Variants in SLITRK6 observed in about 807,000 individuals in gnomAD.
The protein encoded by SLITRK6 is SLIT and NTRK-like protein 6.
In SLITRK6, 35 loss-of-function variants were observed where a neutral mutation model predicts 55.6. The observed-to-expected ratio is 0.63, with a 90% CI of 0.48 to 0.83. The LOEUF (loss-of-function observed/expected upper bound fraction) is 0.83. SLITRK6 is among the 40% of genes least tolerant of loss of function. The pLI is 0.00. For synonymous variants in SLITRK6, 392 were observed against 359.6 expected (o/e 1.09, Z -1.02); for missense variants, 977 against 986.4 (o/e 0.99, Z 0.13).
In SLITRK6 at chr13:85,794,262, G is replaced by A; in HGVS notation, c.2247C>T (p.Phe749=). The change falls in exon 2 of 2, where the codon TTC becomes TTT. Residue 749 remains phenylalanine, a synonymous_variant. Coordinates refer to ENST00000647374, the MANE Select transcript of SLITRK6 (RefSeq NM_032229.3). ...TTCTGTACAATGAGCTGGCATCTTG[G>A]AAGGATAAAAATTCTGTTGATTGGT... ...TTNQSTEFLS[F]QDASSLYRNI... is the part of the protein sequence containing the mutation. 2.5e-6 allele frequency: 4 copies of A among 1,613,332 alleles called. No homozygotes were observed. The highest frequency in any genetic ancestry group is 1.1e-5 in the South Asian group (1 of 91,062).
At position 85,795,490 on chromosome 13, in the gene SLITRK6, G is replaced by GGGGATA; in HGVS notation, c.1013_1018dup (p.Leu338_Ser339dup). On this transcript the variant is annotated inframe_insertion, in exon 2 of 2. Transcript: ENST00000647374. ...CTGACAATGTATTAGAAGTCCTGAT[G>GGGGATA]GGGATAGGACTTTGCAGTTACAAGG... is the stretch of plus-strand genomic sequence containing the variant. 1 of 1,612,962 alleles carries GGGGATA rather than the reference G, an allele frequency of 6.2e-7. No individual in the cohort carries two copies. The highest frequency in any genetic ancestry group is 8.5e-7 in the Non-Finnish European group (1 of 1,179,372).
intron 1 of SLITRK6, among the ~76,000 whole-genome samples, chr13:85,798,211 G>A (rs1176182830): frequency 1.3e-5 from 2 of 151,920 alleles, no homozygotes; most frequent in African/African-American, 4.8e-5. Flanking sequence ...TAAACAAGCA[G>A]CTTGTAGTTG....
chr13:85,794,629 C>G lies in SLITRK6; in HGVS notation c.1880G>C (p.Gly627Ala). 6.2e-7 allele frequency: 1 copy of G among 1,613,166 alleles called. No homozygotes were observed. Among genetic ancestry groups the G allele is most frequent in the Non-Finnish European group, 8.5e-7 (1 of 1,179,522 alleles). Residue 627 changes from glycine (G) to alanine (A), a missense_variant, in exon 2 of 2, where the codon GGG becomes GCG. Gly to Ala is a moderately conservative substitution (Grantham distance 60, BLOSUM62 0). Transcript: ENST00000647374. ...GCGGTGAAGAACAAGAACCACTATC[C>G]CTGCAGCACAGAAAACAATAGTGAT... ...MFITIVFCAA[G>A]IVVLVLHRRR...
chr13:85,797,111 C>G (rs978508046), intron 1 of SLITRK6, among the ~76,000 whole-genome samples: 16 of 149,914 alleles, frequency 1.1e-4, no homozygotes, highest in African/African-American at 3.9e-4. Flanking sequence ...ACAATAACAT[C>G]TAATAACTGT....
In SLITRK6 at chr13:85,795,664, G is replaced by A. The variant is rs750992179; in HGVS notation, c.845C>T (p.Ser282Leu). Residue 282 changes from serine to leucine, a missense_variant, in exon 2 of 2, where the codon TCA (serine) becomes TTA (leucine). By Grantham distance (145) the Ser-to-Leu change is moderately radical (BLOSUM62 -2). Transcript: ENST00000647374. ...VYEEHEDPSG[S>L]LHLAATSSIN... ...TGAAGATGTTGCTGCCAGATGTAAT[G>A]ATCCTGAAGGATCCTCATGTTCTTC... The A allele has an allele frequency of 4.6e-5, 74 of 1,612,936 alleles. No homozygotes were observed. The highest frequency in any genetic ancestry group is 6.3e-5 in the Non-Finnish European group (74 of 1,179,444).
rs955927669 is a variant in SLITRK6 at position 85,796,075 on chromosome 13, T to C, written c.434A>G (p.Asn145Ser). The stretch of plus-strand genomic sequence containing the variant: ...TGGTTCAATCACTGTGATAAAATTG[T>C]TATCTGCTTGCAGGAATTCCAGGTT... ...LENLEFLQAD[N>S]NFITVIEPSA... is the part of the protein sequence containing the mutation. Residue 145 changes from asparagine (N) to serine (S), a missense_variant, in exon 2 of 2, where the codon AAC (asparagine) becomes AGC (serine). Asn to Ser is a conservative substitution (Grantham distance 46). Coordinates refer to ENST00000647374, the MANE Select transcript of SLITRK6 (RefSeq NM_032229.3). 2 of 1,612,940 alleles carry C rather than the reference T, an allele frequency of 1.2e-6. No individual in the cohort carries two copies. Among genetic ancestry groups the C allele is most frequent in the South Asian group, 2.2e-5 (2 of 90,996 alleles).
rs199516562 is a variant in SLITRK6, at chr13:85,795,454, A to G, written c.1055T>C (p.Ile352Thr). The change falls in exon 2 of 2, where the codon ATT becomes ACT. Residue 352 changes from isoleucine to threonine, a missense_variant. Transcript: ENST00000647374. ...AGGTCTCAGATCTGATAAGCTTTCAATGTTGCGCTCCTGACAATGTATTAG... is the reference window on the plus strand; with the variant it reads ...AGGTCTCAGATCTGATAAGCTTTCAGTGTTGCGCTCCTGACAATGTATTAG... The part of the protein sequence containing the change: ...GLLIHCQERN[I>T]ESLSDLRPPP... The G allele has an allele frequency of 2.3e-4, 374 of 1,612,878 alleles. 1 individual carries two copies. The highest frequency in any genetic ancestry group is 4.4e-4 in the South Asian group (40 of 91,062).
Position 85,793,787 on chromosome 13 carries a change from C to A in SLITRK6, c.*196G>T. 2 of 518,458 alleles carry A rather than the reference C, an allele frequency of 3.9e-6. No individual in the cohort carries two copies. Among genetic ancestry groups the A allele is most frequent in the Non-Finnish European group, 3.3e-6 (1 of 306,042 alleles). 32.1% of individuals were successfully genotyped at this position (518,458 alleles called of 1,614,324 possible). On this transcript the variant is annotated 3_prime_UTR_variant, in exon 2 of 2. Transcript: ENST00000647374. ...AAGGATTTATTTTATTTGGGACAGA[C>A]TAAATTGCCTGAAGATAATGCCATG...
At chr13:85,797,626 C>G (rs1337491601) in intron 1 of SLITRK6, among the ~76,000 whole-genome samples, 1 of 151,636 alleles carries the variant, frequency 6.6e-6, no homozygotes, top group Non-Finnish European at 1.5e-5. Context: ...CTGAAACAAA[C>G]TGTACCATAT....
Position 85,795,269 on chromosome 13 carries a change from G to T in SLITRK6, c.1240C>A (p.Gln414Lys), listed in dbSNP as rs587777069. 6.2e-7 allele frequency: 1 copy of T among 1,612,634 alleles called. No homozygotes were observed. The highest frequency in any genetic ancestry group is 8.5e-7 in the Non-Finnish European group (1 of 1,179,316). The change falls in exon 2 of 2, where the codon CAA becomes AAA. Residue 414 changes from glutamine (Q) to lysine (K), a missense_variant. By Grantham distance (53) the Gln-to-Lys change is moderately conservative. Transcript: ENST00000647374. ...TGGTTACCATTTAGATAGAGTTTTT[G>T]TAATCTCGTTAGGTTCATAAACGAT... The part of the protein sequence containing the change: ...EGSFMNLTRL[Q>K]KLYLNGNHLT...
intron 1 of SLITRK6, among the ~76,000 whole-genome samples, chr13:85,797,031 A>G (rs917700345): frequency 2.0e-5 from 3 of 151,622 alleles, no homozygotes; most frequent in Admixed American, 6.6e-5. Flanking sequence ...GTATGTGTGC[A>G]TATGTGTATG....
At position 85,794,408 on chromosome 13, in the gene SLITRK6, C is replaced by G. The variant is rs1566397312; in HGVS notation, c.2101G>C (p.Glu701Gln). 6.2e-7 allele frequency: 1 copy of G among 1,613,138 alleles called. No homozygotes were observed. Among genetic ancestry groups the G allele is most frequent in the African/African-American group, 1.3e-5 (1 of 74,822 alleles). ...RSPSFGPKHL[E>Q]EEEERNEKEG... is the part of the protein sequence containing the mutation. Reference sequence around the variant, plus strand: ...TTCTCATTCCTCTCTTCTTCCTCTTCCAGATGCTTTGGACCAAAGGATGGA... The same window carrying G: ...TTCTCATTCCTCTCTTCTTCCTCTTGCAGATGCTTTGGACCAAAGGATGGA... Residue 701 changes from glutamate (E) to glutamine (Q), a missense_variant, in exon 2 of 2, where the codon GAA becomes CAA. Coordinates refer to ENST00000647374, the MANE Select transcript of SLITRK6 (RefSeq NM_032229.3).
In SLITRK6 at chr13:85,794,623, A is replaced by G. The variant is rs768697095; in HGVS notation, c.1886T>C (p.Val629Ala). 9 of 1,613,126 alleles carry G rather than the reference A, an allele frequency of 5.6e-6. No individual in the cohort carries two copies. Among genetic ancestry groups the G allele is most frequent in the Non-Finnish European group, 7.6e-6 (9 of 1,179,540 alleles). Reference protein sequence around the residue: ...ITIVFCAAGIVVLVLHRRRRY... With the variant: ...ITIVFCAAGIAVLVLHRRRRY... ...TCTCCTGCGGTGAAGAACAAGAACC[A>G]CTATCCCTGCAGCACAGAAAACAAT... Residue 629 changes from valine (V) to alanine (A), a missense_variant, in exon 2 of 2, where the codon GTG becomes GCG. By Grantham distance (64) the Val-to-Ala change is moderately conservative (BLOSUM62 0). Transcript: ENST00000647374.
Position 85,794,922 on chromosome 13 carries a change from C to G in SLITRK6, c.1587G>C (p.Gln529His). Residue 529 changes from glutamine to histidine, a missense_variant, in exon 2 of 2, where the codon CAG becomes CAC. Coordinates refer to ENST00000647374, the MANE Select transcript of SLITRK6 (RefSeq NM_032229.3). ...WDCSCDLVGL[Q>H]QWIQKLSKNT... ...TCTTGCTTAACTTTTGTATCCATTG[C>G]TGCAGTCCAACCAGGTCACAGGAGC... 1.2e-6 allele frequency: 2 copies of G among 1,613,076 alleles called. No individual in the cohort carries two copies. Among genetic ancestry groups the G allele is most frequent in the South Asian group, 2.2e-5 (2 of 91,074 alleles).
chr13:85,796,920 G>T (rs1360061798), intron 1 of SLITRK6, among the ~76,000 whole-genome samples: 1 of 151,464 alleles, frequency 6.6e-6, no homozygotes, highest in Non-Finnish European at 1.5e-5. Flanking sequence ...TAACCTTATG[G>T]TCATACATTT....
At chr13:85,797,090 C>T (rs1177634677) in intron 1 of SLITRK6, among the ~76,000 whole-genome samples, 4 of 151,110 alleles carry the variant, frequency 2.6e-5, no homozygotes, top group Non-Finnish European at 5.9e-5. Context: ...TATTGTTGAA[C>T]TGGGTGTCAC....
At position 85,793,779 on chromosome 13, in the gene SLITRK6, G is replaced by A. The variant is rs1655627854; in HGVS notation, c.*204C>T. The A allele has an allele frequency of 4.1e-6, 2 of 490,638 alleles. No homozygotes were observed. The highest frequency in any genetic ancestry group is 7.0e-6 in the Non-Finnish European group (2 of 286,196). The allele number at this position is 490,638 out of a possible 1,614,324, so 30.4% of individuals were successfully genotyped here. ...TTACATGCAAGGATTTATTTTATTT[G>A]GGACAGACTAAATTGCCTGAAGATA... On this transcript the variant is annotated 3_prime_UTR_variant, in exon 2 of 2. Coordinates refer to ENST00000647374, the MANE Select transcript of SLITRK6 (RefSeq NM_032229.3).
rs780493438 is a variant in SLITRK6, at chr13:85,794,622, C to A, written c.1887G>T (p.Val629=). 1.2e-6 allele frequency: 2 copies of A among 1,613,212 alleles called. No homozygotes were observed. Among genetic ancestry groups the A allele is most frequent in the Non-Finnish European group, 1.7e-6 (2 of 1,179,524 alleles). The change falls in exon 2 of 2, where the codon GTG becomes GTT. Residue 629 remains valine, a synonymous_variant. Transcript: ENST00000647374. ...ITIVFCAAGI[V]VLVLHRRRRY... Reference sequence around the variant, plus strand: ...TTCTCCTGCGGTGAAGAACAAGAACCACTATCCCTGCAGCACAGAAAACAA... The same window carrying A: ...TTCTCCTGCGGTGAAGAACAAGAACAACTATCCCTGCAGCACAGAAAACAA...
chr13:85,794,182 C>G lies in SLITRK6; in HGVS notation c.2327G>C (p.Arg776Thr). The change falls in exon 2 of 2, where the codon AGG becomes ACG. Residue 776 changes from arginine (R) to threonine (T), a missense_variant. By Grantham distance (71) the Arg-to-Thr change is moderately conservative. Coordinates refer to ENST00000647374, the MANE Select transcript of SLITRK6 (RefSeq NM_032229.3). ...AGGCTGGAGCTGAGCAATGTTTTTCCTTAGGTATTCTGTGATTCCCAGTTG... is the reference window on the plus strand; with the variant it reads ...AGGCTGGAGCTGAGCAATGTTTTTCGTTAGGTATTCTGTGATTCCCAGTTG... ...LQQLGITEYLRKNIAQLQPDM... is the reference protein window; with the variant it reads ...LQQLGITEYLTKNIAQLQPDM... 1 of 1,612,742 alleles carries G rather than the reference C, an allele frequency of 6.2e-7. No homozygotes were observed. The highest frequency in any genetic ancestry group is 8.5e-7 in the Non-Finnish European group (1 of 1,179,378).
Sources: gnomAD v4.1 joint callset for allele counts (sites outside exome capture counted in the v4.1 genomes callset) on GRCh38, gnomAD v4.1.1 for gene constraint, MANE v1.5 for transcripts, NCBI Gene and HGNC (gene_info 2026-07-23, HGNC 2026-07-21) for gene names.